The following WDR45 variants were observed in gnomAD, a reference collection of about 807,000 sequenced individuals.
WDR45 encodes WD repeat domain phosphoinositide-interacting protein 4.
WDR45 carries 2 observed loss-of-function variants against 27.3 expected under a neutral mutation model. The observed-to-expected ratio is 0.07, with a 90% confidence interval of 0.03 to 0.23. The LOEUF (loss-of-function observed/expected upper bound fraction) is 0.23. Among genes scored for constraint, WDR45 ranks in the 10% least tolerant of loss-of-function variants. The pLI is 1.00. For synonymous variants in WDR45, 99 were observed against 119.2 expected, an observed-to-expected ratio of 0.83 and a Z score of 1.11; for missense variants, 175 against 311.9, an observed-to-expected ratio of 0.56 and a Z score of 3.31.
At chrX:49,080,047 G>A (rs2065059863), upstream of WDR45, 2 of 113,302 alleles carry the variant, frequency 1.8e-5, no homozygotes, top group Admixed American at 1.9e-4. Flanking sequence ...GCGGAGGAAG[G>A]TTGGCTGGGG....
Position 49,074,863 on chromosome X carries a change from T to G in WDR45, c.1023A>C (p.Gly341=). The G allele has an allele frequency of 8.3e-7, 1 of 1,211,679 alleles. No homozygotes were observed. The highest frequency in any genetic ancestry group is 1.1e-6 in the Non-Finnish European group (1 of 895,362). The part of the protein sequence containing the change: ...TFHKYVFTPD[G]NCNREAFDVY... ...CGTCGAAAGCCTCTCTGTTGCAGTT[T>G]CCATCAGGAGTGAAGACATATTTGT... Residue 341 remains glycine, a synonymous_variant, in exon 11 of 11, where the codon GGA becomes GGC. Coordinates refer to ENST00000376372, the MANE Select transcript of WDR45 (RefSeq NM_001029896.2).
rs996865332 is a variant in WDR45 at position 49,090,167 on chromosome X, G to A, written c.-18+10038C>T. Among the ~76,000 whole-genome samples the A allele has an allele frequency of 6.3e-5, 7 of 110,572 alleles. No homozygotes were observed. The South Asian group carries it at 1.1e-3, about 18-fold the overall frequency. On this transcript the variant is annotated intron_variant, in intron 2 of 11. Coordinates refer to the WDR45 transcript ENST00000356463. Reference sequence around the variant, plus strand: ...CAACCTCTGCCTCCCAGGTTCAAGCGATTCACCTGCCTCAGCCTTCCGAGT... The same window carrying A: ...CAACCTCTGCCTCCCAGGTTCAAGCAATTCACCTGCCTCAGCCTTCCGAGT...
chrX:49,079,498 C>A (rs1200530097), intron 1 of WDR45: 2 of 111,394 alleles, frequency 1.8e-5, no homozygotes, highest in Non-Finnish European at 3.8e-5. Flanking sequence ...AATCTCCTTC[C>A]TTTCTTTCAG....
Position 49,099,798 on chromosome X carries a change from A to AC in WDR45, c.-18+406_-18+407insG, listed in dbSNP as rs1557087867. On this transcript the variant is annotated intron_variant, in intron 2 of 11. Coordinates refer to the WDR45 transcript ENST00000356463. ...TATGTCTCAAAAAAAAAAAAACAAAAAAAAACAAAAAAAAACACACAGTGT... is the reference window on the plus strand; with the variant it reads ...TATGTCTCAAAAAAAAAAAAACAAAACAAAAACAAAAAAAAACACACAGTGT... Among the ~76,000 whole-genome samples, 459 of 99,108 alleles carry AC rather than the reference A, an allele frequency of 4.6e-3. 47 individuals are homozygous for AC. Among genetic ancestry groups the AC allele is most frequent in the African/African-American group, 0.018 (438 of 24,327 alleles). The allele number at this position is 99,108 out of a possible 115,157, so 86.1% of individuals were successfully genotyped here. A position where few individuals can be genotyped will look rare whatever the true frequency, so the allele number is the denominator to read the frequency against.
intron 1 of WDR45, chrX:49,079,094 C>G: frequency 9.0e-6 from 1 of 111,318 alleles, no homozygotes; most frequent in Non-Finnish European, 1.9e-5. Context: ...CCTAGACATT[C>G]CCTTAGATTG....
intron 2 of WDR45, among the ~76,000 whole-genome samples, chrX:49,094,845 C>G (rs1602551221): frequency 9.0e-6 from 1 of 111,212 alleles, no homozygotes; most frequent in East Asian, 2.9e-4. Context: ...AATCCCAGCA[C>G]TTTGGGAGGT....
intron 2 of WDR45, among the ~76,000 whole-genome samples, chrX:49,090,157 A>C (rs1361224679): frequency 4.5e-5 from 5 of 110,525 alleles, no homozygotes; most frequent in Admixed American, 1.9e-4. Context: ...TCTGCCTCCC[A>C]GGTTCAAGCG....
chrX:49,101,151 C>A (rs1557088067), upstream of WDR45: 2 of 112,604 alleles, frequency 1.8e-5, no homozygotes, highest in African/African-American at 6.4e-5. Context: ...GCACGACTTT[C>A]CCGGAGCCCA....
At chrX:49,078,521 C>T (rs2065050912) in intron 1 of WDR45, among the ~76,000 whole-genome samples, 2 of 111,553 alleles carry the variant, frequency 1.8e-5, no homozygotes, top group East Asian at 2.8e-4. Context: ...GACTCCGTCT[C>T]GGGGGGAAGA....
At chrX:49,088,511 G>C (rs1360950996) in intron 2 of WDR45, among the ~76,000 whole-genome samples, 1 of 111,956 alleles carries the variant, frequency 8.9e-6, no homozygotes, top group African/African-American at 3.2e-5. Flanking sequence ...GCACAGTTGT[G>C]AACTACCTGA....
intron 2 of WDR45, among the ~76,000 whole-genome samples, chrX:49,095,759 CTTTTTT>C (rs1204267334): frequency 7.7e-5 from 2 of 26,137 alleles, no homozygotes; most frequent in Non-Finnish European, 1.2e-4. Context: ...CGTGCCCGGC[CTTTTTT>C]TTTTTTTTTT....
chrX:49,099,829 G>C (rs782557050), intron 2 of WDR45, among the ~76,000 whole-genome samples: 1 of 98,391 alleles, frequency 1.0e-5, no homozygotes, highest in Non-Finnish European at 2.2e-5. Flanking sequence ...AGTGTTTCTT[G>C]GGACCAGACC....
chrX:49,083,025 A>G (rs1397814981), upstream of WDR45, among the ~76,000 whole-genome samples: 1 of 111,212 alleles, frequency 9.0e-6, no homozygotes, highest in Admixed American at 9.6e-5. Flanking sequence ...GATTATAGGC[A>G]TGCACCACCA....
intron 2 of WDR45, among the ~76,000 whole-genome samples, chrX:49,096,243 CTCTT>C (rs1557087289): frequency 9.0e-6 from 1 of 111,034 alleles, no homozygotes. Flanking sequence ...CTCTCTCTCT[CTCTT>C]TTTTGAGACA....
At chrX:49,095,466 A>AT (rs1231569216) in intron 2 of WDR45, among the ~76,000 whole-genome samples, 37 of 103,504 alleles carry the variant, frequency 3.6e-4, no homozygotes, top group African/African-American at 5.2e-4. Flanking sequence ...CATCCGGCTA[A>AT]TTTTTTTTTT....
At chrX:49,076,030 T>G (rs2065035201) in intron 6 of WDR45, 85 bp from the exon 7 acceptor site, 2 of 817,451 alleles carry the variant, frequency 2.4e-6, no homozygotes, top group African/African-American at 2.0e-5. Context: ...AGGACCAGAC[T>G]TCAACCCTCC....
chrX:49,095,176 T>C (rs1338833038), intron 2 of WDR45, among the ~76,000 whole-genome samples: 1 of 110,826 alleles, frequency 9.0e-6, no homozygotes, highest in Non-Finnish European at 1.9e-5. Flanking sequence ...GATATCACTT[T>C]CATGAATCAA....
At position 49,075,352 on chromosome X, in the gene WDR45, G is replaced by A. The variant is rs781956491; in HGVS notation, c.827+12C>T. The stretch of plus-strand genomic sequence containing the variant: ...GGACAGGGACACGGTAGGGTGGGGA[G>A]GGGGTACTCACGCGGAGCGGCGGTT... On this transcript the variant is annotated intron_variant, in intron 9 of 10. Coordinates refer to ENST00000376372, the MANE Select transcript of WDR45 (RefSeq NM_001029896.2). 9 of 1,208,549 alleles carry A rather than the reference G, an allele frequency of 7.4e-6. No individual in the cohort carries two copies. Among genetic ancestry groups the A allele is most frequent in the Admixed American group, 2.2e-5 (1 of 45,676 alleles).
rs782732316 is a variant in WDR45, at chrX:49,074,921, G to A, written c.974-9C>T. ...CCCATCTACGCAGATGGCTGGGGGA[G>A]GGGGGGTGGTAAAAGGTCAGAGGCT... On this transcript the variant is annotated splice_polypyrimidine_tract_variant and intron_variant, in intron 10 of 10. Transcript: ENST00000376372. 2 of 1,176,673 alleles carry A rather than the reference G, an allele frequency of 1.7e-6. No individual in the cohort carries two copies. The highest frequency in any genetic ancestry group is 1.8e-5 in the South Asian group (1 of 55,917).
Sources: gnomAD v4.1 joint callset for allele counts (sites outside exome capture counted in the v4.1 genomes callset) on GRCh38, gnomAD v4.1.1 for gene constraint, MANE v1.5 for transcripts, NCBI Gene and HGNC (gene_info 2026-07-23, HGNC 2026-07-21) for gene names.